HDAC8: variants seen among roughly 807,000 people sequenced by gnomAD.
HDAC8 encodes the protein histone deacetylase-like 1.
A neutral mutation model predicts 32.2 loss-of-function variants in HDAC8; 1 was observed. The ratio of observed to expected loss-of-function variants is 0.03; its 90% confidence interval spans 0.01 to 0.15. The LOEUF (loss-of-function observed/expected upper bound fraction) is 0.15. Among genes scored for constraint, HDAC8 ranks in the 10% least tolerant of loss-of-function variants. The probability of loss-of-function intolerance (pLI) is 1.00; values close to 1 mark genes in which losing one functional copy is unlikely to be tolerated. For synonymous variants in HDAC8, 108 were observed against 113.9 expected (o/e 0.95, Z 0.33); for missense variants, 117 against 300.0 (o/e 0.39, Z 4.51).
intron 9 of HDAC8, among the ~76,000 whole-genome samples, chrX:72,355,469 A>T (rs1442918178): frequency 9.0e-6 from 1 of 111,512 alleles, no homozygotes; most frequent in Non-Finnish European, 1.9e-5. Flanking sequence ...GCTTCAGTTT[A>T]TGCACTTTTG....
chrX:72,367,240 C>A (rs897462445), intron 9 of HDAC8, among the ~76,000 whole-genome samples: 8 of 112,151 alleles, frequency 7.1e-5, no homozygotes, highest in African/African-American at 2.6e-4. Context: ...TGCTTCCCGG[C>A]AGCCAGCTGT....
intron 7 of HDAC8, among the ~76,000 whole-genome samples, chrX:72,468,882 G>C (rs929962936): frequency 8.9e-6 from 1 of 111,917 alleles, no homozygotes; most frequent in Non-Finnish European, 1.9e-5. Context: ...TGGGTTCACA[G>C]TATTGAACAA....
At chrX:72,350,393 G>A (rs2044144448) in intron 10 of HDAC8, among the ~76,000 whole-genome samples, 1 of 111,728 alleles carries the variant, frequency 9.0e-6, no homozygotes. Flanking sequence ...CTAGTGGATA[G>A]GGGCATTAAT....
chrX:72,455,793 T>C (rs2047702641), intron 9 of HDAC8, among the ~76,000 whole-genome samples: 1 of 111,805 alleles, frequency 8.9e-6, no homozygotes, highest in Non-Finnish European at 1.9e-5. Context: ...TTTGGAATAT[T>C]TGCATAACTT....
At chrX:72,337,682 T>C (rs1555943077) in intron 10 of HDAC8, among the ~76,000 whole-genome samples, 1 of 111,410 alleles carries the variant, frequency 9.0e-6, no homozygotes, top group Non-Finnish European at 1.9e-5. Flanking sequence ...CTGTTCTCTA[T>C]ATAGCAGCCA....
chrX:72,401,607 A>G (rs2045903709), intron 9 of HDAC8, among the ~76,000 whole-genome samples: 1 of 112,037 alleles, frequency 8.9e-6, no homozygotes, highest in Non-Finnish European at 1.9e-5. Context: ...TTTTGATTGT[A>G]TTTCTCCAAT....
chrX:72,409,888 C>T (rs1805734184), intron 9 of HDAC8, among the ~76,000 whole-genome samples: 1 of 112,606 alleles, frequency 8.9e-6, no homozygotes, highest in Non-Finnish European at 1.9e-5. Flanking sequence ...TTTTCATCCC[C>T]AGTGGCTAGT....
chrX:72,454,242 G>A (rs782074818), intron 9 of HDAC8, among the ~76,000 whole-genome samples: 30 of 112,182 alleles, frequency 2.7e-4, no homozygotes, highest in Non-Finnish European at 4.7e-4. Context: ...TGCCACCGAA[G>A]GCCAGAGAGG....
intron 4 of HDAC8, among the ~76,000 whole-genome samples, chrX:72,539,297 T>A (rs924718087): frequency 9.0e-6 from 1 of 111,460 alleles, no homozygotes; most frequent in Non-Finnish European, 1.9e-5. Context: ...AGTGGCACGA[T>A]CTCCGCTCAC....
In HDAC8 at chrX:72,437,962, T is replaced by C. The variant is rs536679065; in HGVS notation, c.1005+24042A>G. ...TGCCTGCTGGCTCTGAACAGAGCAGTGGGTCTCCCAACACAGTGCTCGAGC... is the reference window on the plus strand; with the variant it reads ...TGCCTGCTGGCTCTGAACAGAGCAGCGGGTCTCCCAACACAGTGCTCGAGC... On this transcript the variant is annotated intron_variant, in intron 9 of 10. Transcript: ENST00000373573. Among the ~76,000 whole-genome samples, 6 of 112,163 alleles carry C rather than the reference T, an allele frequency of 5.3e-5. No individual in the cohort carries two copies. The South Asian group carries it at 2.2e-3, about 42-fold the overall frequency.
At chrX:72,402,223 A>G (rs782614482) in intron 9 of HDAC8, among the ~76,000 whole-genome samples, 1 of 110,706 alleles carries the variant, frequency 9.0e-6, no homozygotes, top group South Asian at 3.8e-4. Context: ...GATTTTAGCA[A>G]TTTGAGTCTT....
chrX:72,413,999 C>G (rs1296225611), intron 9 of HDAC8, among the ~76,000 whole-genome samples: 2 of 111,874 alleles, frequency 1.8e-5, no homozygotes, highest in Non-Finnish European at 3.8e-5. Flanking sequence ...GACTCCTCAT[C>G]TCATGATGGG....
intron 4 of HDAC8, among the ~76,000 whole-genome samples, chrX:72,514,219 C>T (rs2049705297): frequency 8.9e-6 from 1 of 112,194 alleles, no homozygotes; most frequent in African/African-American, 3.2e-5. Context: ...GACCATCTAG[C>T]ATCAAGATGA....
intron 4 of HDAC8, among the ~76,000 whole-genome samples, chrX:72,534,411 C>T (rs1301332758): frequency 9.3e-6 from 1 of 107,244 alleles, no homozygotes; most frequent in Non-Finnish European, 1.9e-5. Flanking sequence ...TGGGTTCAAG[C>T]GATTCTTGTG....
chrX:72,355,630 T>C (rs1555950483), intron 9 of HDAC8, among the ~76,000 whole-genome samples: 1 of 111,519 alleles, frequency 9.0e-6, no homozygotes, highest in Admixed American at 9.5e-5. Flanking sequence ...TCAGCTTGAG[T>C]TCAGATCAGC....
intron 9 of HDAC8, among the ~76,000 whole-genome samples, chrX:72,426,736 G>A (rs1409407031): frequency 9.1e-6 from 1 of 110,257 alleles, no homozygotes; most frequent in Admixed American, 9.7e-5. Flanking sequence ...CAAGTTTTAT[G>A]CATCCCATCT....
At chrX:72,411,955 G>T (rs1555970381) in intron 9 of HDAC8, among the ~76,000 whole-genome samples, 1 of 112,037 alleles carries the variant, frequency 8.9e-6, no homozygotes, top group African/African-American at 3.2e-5. Context: ...TATACTTTAA[G>T]AATTTTATTC....
intron 9 of HDAC8, among the ~76,000 whole-genome samples, chrX:72,448,972 G>T (rs1251179990): frequency 8.9e-6 from 1 of 112,359 alleles, no homozygotes; most frequent in African/African-American, 3.2e-5. Context: ...TTTTCACACT[G>T]TTGGTGGGAG....
At chrX:72,440,919 G>A (rs2047118029) in intron 9 of HDAC8, among the ~76,000 whole-genome samples, 1 of 112,781 alleles carries the variant, frequency 8.9e-6, no homozygotes, top group Admixed American at 9.3e-5. Context: ...CGCCCACGGA[G>A]TCTTGCTGAT....
Sources: gnomAD v4.1 joint callset for allele counts (sites outside exome capture counted in the v4.1 genomes callset) on GRCh38, gnomAD v4.1.1 for gene constraint, MANE v1.5 for transcripts, NCBI Gene and HGNC (gene_info 2026-07-23, HGNC 2026-07-21) for gene names.